EBF4: variants seen among roughly 807,000 people sequenced by gnomAD.
EBF4 encodes the protein EBF transcription factor 4, also known as transcription factor COE4.
Under a neutral mutation model 67.1 loss-of-function variants are expected in EBF4, and 34 were observed. The ratio of observed to expected loss-of-function variants is 0.51; its 90% CI spans 0.39 to 0.67. The LOEUF is 0.67. Ranked by LOEUF, EBF4 falls within the 30% of genes least tolerant of loss-of-function variation. The probability of loss-of-function intolerance (pLI) is 0.00; values close to 1 mark genes in which losing one functional copy is unlikely to be tolerated. For synonymous variants in EBF4, 387 were observed against 377.7 expected, an observed-to-expected ratio of 1.02 and a Z score of -0.29; for missense variants, 837 against 873.3, an observed-to-expected ratio of 0.96 and a Z score of 0.52.
intron 7 of EBF4, 125 bp from the exon 8 acceptor site, chr20:2,749,276 C>G: frequency 1.4e-6 from 1 of 692,258 alleles, no homozygotes; most frequent in Non-Finnish European, 2.4e-6. Context: ...AAGCCCTCCT[C>G]CTCCCACCAG....
chr20:2,699,736 T>A (rs2087347746), intron 1 of EBF4, among the ~76,000 whole-genome samples: 1 of 152,240 alleles, frequency 6.6e-6, no homozygotes, highest in Non-Finnish European at 1.5e-5. Context: ...CTAATGATGC[T>A]AAGTGAATAA....
chr20:2,752,105 CG>C lies in EBF4; in HGVS notation c.1195del (p.Ala399ArgfsTer148). 6.8e-7 allele frequency: 1 copy of C among 1,459,926 alleles called. No individual in the cohort carries two copies. The highest frequency in any genetic ancestry group is 9.0e-7 in the Non-Finnish European group (1 of 1,113,404). 90.4% of individuals were successfully genotyped at this position (1,459,926 alleles called of 1,614,324 possible). A position where few individuals can be genotyped will look rare whatever the true frequency, so the allele number is the denominator to read the frequency against. On this transcript the variant is annotated frameshift_variant, in exon 13 of 17. Coordinates refer to ENST00000609451, the Ensembl canonical transcript of EBF4. LOFTEE classifies it high-confidence loss of function. The stretch of plus-strand genomic sequence containing the variant: ...TCGCAGGAGCTGCTCCTGAAGCGCG[CG>C]GCGGACGTGGCCGAGGCTCTGTACA...
In EBF4 at chr20:2,706,274, C is replaced by T. The variant is rs776947388; in HGVS notation, c.414+10C>T. On this transcript the variant is annotated intron_variant, in intron 4 of 16. Coordinates refer to ENST00000609451, the Ensembl canonical transcript of EBF4. ...CTCCATGTCCAAACAGGTGAGTCAG[C>T]GCAGAGGGTGCTGAGGCCCATCTCA... The T allele has an allele frequency of 1.9e-6, 3 of 1,551,812 alleles. No homozygotes were observed. The highest frequency in any genetic ancestry group is 2.6e-6 in the Non-Finnish European group (3 of 1,147,072).
At chr20:2,698,174 C>T (rs998185073) in intron 1 of EBF4, among the ~76,000 whole-genome samples, 20 of 152,156 alleles carry the variant, frequency 1.3e-4, no homozygotes, top group African/African-American at 4.6e-4. Flanking sequence ...TTCCCCTGCC[C>T]TCAGGGACTT....
At position 2,708,974 on chromosome 20, in the gene EBF4, C is replaced by G. The variant is rs189166396; in HGVS notation, c.489-600C>G. On this transcript the variant is annotated intron_variant, in intron 5 of 16. Transcript: ENST00000609451. The stretch of plus-strand genomic sequence containing the variant: ...GCCGAGGCGAGCGGATCACTTGAGG[C>G]CAGGAGTTCAAAAGCAGCCTGGCCA... Among the ~76,000 whole-genome samples the G allele has an allele frequency of 1.4e-3, 208 of 152,184 alleles. 2 individuals carry two copies. The highest frequency in any genetic ancestry group is 4.8e-3 in the African/African-American group (199 of 41,542).
At chr20:2,708,573 T>G (rs1364734798) in intron 5 of EBF4, among the ~76,000 whole-genome samples, 1 of 151,982 alleles carries the variant, frequency 6.6e-6, no homozygotes, top group Non-Finnish European at 1.5e-5. Flanking sequence ...GGTTCTGAAA[T>G]CTGTGGTTGG....
At chr20:2,718,917 C>T (rs2087644050) in intron 6 of EBF4, among the ~76,000 whole-genome samples, 1 of 151,906 alleles carries the variant, frequency 6.6e-6, no homozygotes, top group Non-Finnish European at 1.5e-5. Flanking sequence ...TAGAGACATA[C>T]ACTTCTCCTC....
intron 6 of EBF4, among the ~76,000 whole-genome samples, chr20:2,728,194 G>A (rs1005252300): frequency 6.6e-6 from 1 of 152,146 alleles, no homozygotes; most frequent in African/African-American, 2.4e-5. Context: ...TCTAACAACT[G>A]CCCTATAAAC....
chr20:2,749,880 C>A, exon 10 of EBF4: 1 of 1,551,380 alleles, frequency 6.4e-7, no homozygotes, highest in Non-Finnish European at 8.7e-7. Flanking sequence ...GGTGCAGACG[C>A]CCCCGCGGCA....
At chr20:2,720,097 T>A (rs1026561408) in intron 6 of EBF4, among the ~76,000 whole-genome samples, 23 of 152,192 alleles carry the variant, frequency 1.5e-4, no homozygotes. Flanking sequence ...AATTATTATG[T>A]CTTCTTGTTT....
At chr20:2,752,772 C>T (rs1026481808) in intron 14 of EBF4, among the ~76,000 whole-genome samples, 1 of 152,264 alleles carries the variant, frequency 6.6e-6, no homozygotes, top group Non-Finnish European at 1.5e-5. Flanking sequence ...CAGAGTACTC[C>T]GTGCACTTTT....
Position 2,751,088 on chromosome 20 carries a change from CCCCTT to C in EBF4, c.1019-611_1019-607del, listed in dbSNP as rs2088138206. The stretch of plus-strand genomic sequence containing the variant: ...GGTCAGACGCGCATACACACACACA[CCCCTT>C]GCACAACGCCAGGGTAAGCAGTGAA... On this transcript the variant is annotated intron_variant, in intron 10 of 16. Transcript: ENST00000609451. The surrounding 1 kb of genome is among the most constrained non-coding windows in gnomAD (Gnocchi z 5.2). Among the ~76,000 whole-genome samples the C allele has an allele frequency of 6.6e-6, 1 of 152,004 alleles. No individual in the cohort carries two copies. Among genetic ancestry groups the C allele is most frequent in the East Asian group, 1.9e-4 (1 of 5,158 alleles).
chr20:2,713,306 G>A (rs1174443383), intron 6 of EBF4, among the ~76,000 whole-genome samples: 2 of 152,222 alleles, frequency 1.3e-5, no homozygotes, highest in Admixed American at 6.5e-5. Context: ...AGGGAAGACA[G>A]AGACATGGAC....
chr20:2,749,984 G>A lies in EBF4; in HGVS notation c.1018+11G>A. The A allele has an allele frequency of 6.5e-7, 1 of 1,545,284 alleles. No homozygotes were observed. Among genetic ancestry groups the A allele is most frequent in the Non-Finnish European group, 8.7e-7 (1 of 1,143,666 alleles). On this transcript the variant is annotated intron_variant, in intron 10 of 16. Transcript: ENST00000609451. ...GCTTTGTCTACACAGGTAAGGAGTCGGGCGGGGGAGTGGAGGTCTAAGGTG... is the reference window on the plus strand; with the variant it reads ...GCTTTGTCTACACAGGTAAGGAGTCAGGCGGGGGAGTGGAGGTCTAAGGTG...
intron 1 of EBF4, among the ~76,000 whole-genome samples, chr20:2,697,058 C>T (rs1374591073): frequency 1.3e-5 from 2 of 152,200 alleles, no homozygotes; most frequent in Non-Finnish European, 2.9e-5. Context: ...CCCCTCTTGA[C>T]TTTGGAAGAC....
chr20:2,745,784 C>T lies in EBF4; in HGVS notation c.558-2765C>T, dbSNP rs779699305. Among the ~76,000 whole-genome samples the T allele has an allele frequency of 2.0e-5, 3 of 152,142 alleles. No homozygotes were observed. The highest frequency in any genetic ancestry group is 4.4e-5 in the Non-Finnish European group (3 of 68,016). On this transcript the variant is annotated intron_variant, in intron 6 of 16. Transcript: ENST00000609451. The surrounding 1 kb of genome is among the most constrained non-coding windows in gnomAD (Gnocchi z 5.2). Reference sequence around the variant, plus strand: ...TGGGTGTGGAAGGATTTACCTACCCCGGGTCATGCAGAGAGTCCAGGCCTG... The same window carrying T: ...TGGGTGTGGAAGGATTTACCTACCCTGGGTCATGCAGAGAGTCCAGGCCTG...
At position 2,696,530 on chromosome 20, in the gene EBF4, C is replaced by T. The variant is rs2087291034; in HGVS notation, c.137+2748C>T. Among the ~76,000 whole-genome samples, 1 of 152,104 alleles carries T rather than the reference C, an allele frequency of 6.6e-6. No individual in the cohort carries two copies. Among genetic ancestry groups the T allele is most frequent in the Non-Finnish European group, 1.5e-5 (1 of 68,026 alleles). ...AAATAAAGTGACCAACCCCCAAGCC[C>T]CACTGCTTCCTCATGGATATCTCCA... is the stretch of plus-strand genomic sequence containing the variant. On this transcript the variant is annotated intron_variant, in intron 1 of 16. Coordinates refer to ENST00000609451, the Ensembl canonical transcript of EBF4. The surrounding 1 kb of genome is among the most constrained non-coding windows in gnomAD (Gnocchi z 4.7).
chr20:2,758,694 G>C, intron 15 of EBF4: 1 of 590,000 alleles, frequency 1.7e-6, no homozygotes, highest in Non-Finnish European at 3.0e-6. Context: ...TCTTGAGGGA[G>C]GTAGGGAGCA....
At position 2,747,121 on chromosome 20, in the gene EBF4, G is replaced by A. The variant is rs560454481; in HGVS notation, c.558-1428G>A. ...AGCCTGGCCAACATGGCAAAACACC[G>A]TCTCTACTAAAACTACAAAAAGTAG... On this transcript the variant is annotated intron_variant, in intron 6 of 16. Coordinates refer to ENST00000609451, the Ensembl canonical transcript of EBF4. This position sits in a 1 kb window ranked among gnomAD's most constrained non-coding sequence, Gnocchi z 4.6. Among the ~76,000 whole-genome samples the A allele has an allele frequency of 4.6e-5, 7 of 152,212 alleles. No homozygotes were observed. Among genetic ancestry groups the A allele is most frequent in the African/African-American group, 1.7e-4 (7 of 41,532 alleles).
Sources: allele counts gnomAD v4.1 joint callset (sites outside exome capture counted in the v4.1 genomes callset), GRCh38; gene constraint gnomAD v4.1.1; non-coding constraint Gnocchi (gnomAD v3.1); transcripts MANE v1.5; gene names NCBI Gene and HGNC (gene_info 2026-07-23, HGNC 2026-07-21).